The following XKR4 variants were observed in gnomAD, a reference collection of about 807,000 sequenced individuals.
XKR4 encodes the protein XK related 4.
XKR4 carries 12 observed loss-of-function variants against 53.9 expected under a neutral mutation model. The ratio of observed to expected loss-of-function variants is 0.22; its 90% CI spans 0.14 to 0.36. The LOEUF (loss-of-function observed/expected upper bound fraction) is 0.36. XKR4 is among the 10% of genes least tolerant of loss of function. The pLI, the probability that XKR4 is intolerant of heterozygous loss-of-function variation, is 1.00. For synonymous variants in XKR4, 354 were observed against 362.4 expected (o/e 0.98, Z 0.26); for missense variants, 799 against 859.5 (o/e 0.93, Z 0.88).
intron 1 of XKR4, among the ~76,000 whole-genome samples, chr8:55,298,161 A>G (rs994132271): frequency 2.0e-5 from 3 of 152,156 alleles, no homozygotes; most frequent in Non-Finnish European, 2.9e-5. Context: ...AGAATCTCTC[A>G]CATTTGCTCA....
rs369694791 is a variant in XKR4, at chr8:55,495,552, C to G, written c.1007-27729C>G. On this transcript the variant is annotated intron_variant, in intron 2 of 2. Coordinates refer to ENST00000327381, the MANE Select transcript of XKR4 (RefSeq NM_052898.2). ...CACGCAGCTCAGCCCAGCCCCATCA[C>G]AGTGGCTTCCAGGGTCGTGGGCTCC... Among the ~76,000 whole-genome samples, 18 of 152,350 alleles carry G rather than the reference C, an allele frequency of 1.2e-4. 1 individual carries two copies. The South Asian group carries it at 3.5e-3, about 30-fold the overall frequency.
intron 1 of XKR4, among the ~76,000 whole-genome samples, chr8:55,352,766 T>C (rs1227424388): frequency 1.3e-5 from 2 of 152,180 alleles, no homozygotes; most frequent in Admixed American, 1.3e-4. Context: ...CCCAAAGTCA[T>C]ACCATTAGTA....
intron 1 of XKR4, among the ~76,000 whole-genome samples, chr8:55,190,948 C>T (rs949607042): frequency 2.6e-5 from 4 of 152,230 alleles, no homozygotes; most frequent in African/African-American, 9.6e-5. Flanking sequence ...ACTAGGCTTG[C>T]TGATAATGCC....
intron 2 of XKR4, among the ~76,000 whole-genome samples, chr8:55,462,537 C>A (rs9693206): frequency 0.4 from 61,209 of 151,962 alleles, 13,130 homozygotes; most frequent in East Asian, 0.53. Flanking sequence ...ATTGTAAAGA[C>A]CATCAAGGCT....
chr8:55,417,308 T>TTTTTC (rs1367442775), intron 2 of XKR4, among the ~76,000 whole-genome samples: 2 of 152,076 alleles, frequency 1.3e-5, no homozygotes, highest in African/African-American at 4.8e-5. Flanking sequence ...AGGAGAGAAG[T>TTTTTC]TTTTCTTTTC....
rs147970051 is a variant in XKR4 at position 55,287,873 on chromosome 8, C to T, written c.807-69805C>T. Among the ~76,000 whole-genome samples the T allele has an allele frequency of 2.6e-5, 4 of 152,324 alleles. No individual in the cohort carries two copies. The East Asian group carries it at 7.7e-4, about 29-fold the overall frequency. On this transcript the variant is annotated intron_variant, in intron 1 of 2. Coordinates refer to ENST00000327381, the MANE Select transcript of XKR4 (RefSeq NM_052898.2). ...AAGGTTTCCTTGAGTGCTGCCTACC[C>T]TAGTTAGCAGGAATAAAGGAACTCT...
At chr8:55,154,212 AT>A (rs1272489288) in intron 1 of XKR4, among the ~76,000 whole-genome samples, 2 of 152,200 alleles carry the variant, frequency 1.3e-5, no homozygotes, top group African/African-American at 4.8e-5. Context: ...TTCAATAATT[AT>A]TTCAGGGGAT....
rs1818622348 is a variant in XKR4, at chr8:55,267,347, T to C, written c.807-90331T>C. Reference sequence around the variant, plus strand: ...CACTGTTGAGGCTGTAAAGAATGTCTGCATATAATGTAAACTGCTTTTTCC... The same window carrying C: ...CACTGTTGAGGCTGTAAAGAATGTCCGCATATAATGTAAACTGCTTTTTCC... On this transcript the variant is annotated intron_variant, in intron 1 of 2. Coordinates refer to ENST00000327381, the MANE Select transcript of XKR4 (RefSeq NM_052898.2). 1.3e-5 allele frequency among the ~76,000 whole-genome samples: 2 copies of C among 152,216 alleles called. 1 individual carries two copies. The highest frequency in any genetic ancestry group is 4.1e-4 in the South Asian group (2 of 4,830).
chr8:55,433,970 G>A (rs761381463), intron 2 of XKR4, among the ~76,000 whole-genome samples: 1 of 152,180 alleles, frequency 6.6e-6, no homozygotes, highest in Non-Finnish European at 1.5e-5. Flanking sequence ...GGAGACTGAG[G>A]TTGCAGTGAG....
chr8:55,362,951 G>A (rs954329225), intron 2 of XKR4, among the ~76,000 whole-genome samples: 5 of 152,214 alleles, frequency 3.3e-5, no homozygotes, highest in African/African-American at 1.2e-4. Flanking sequence ...CCACAGCCCA[G>A]GCTAAGTACA....
chr8:55,136,130 G>C (rs1050739995), intron 1 of XKR4, among the ~76,000 whole-genome samples: 1 of 152,132 alleles, frequency 6.6e-6, no homozygotes, highest in Non-Finnish European at 1.5e-5. Flanking sequence ...CTGACCTTGT[G>C]ATCCGCCCCC....
At chr8:55,213,770 C>A (rs1048823768) in intron 1 of XKR4, among the ~76,000 whole-genome samples, 1 of 150,490 alleles carries the variant, frequency 6.6e-6, no homozygotes, top group Non-Finnish European at 1.5e-5. Context: ...CTTTCACTAT[C>A]GTAATTTTCT....
At chr8:55,513,445 G>C (rs184618269) in intron 2 of XKR4, among the ~76,000 whole-genome samples, 82 of 152,300 alleles carry the variant, frequency 5.4e-4, no homozygotes, top group African/African-American at 1.9e-3. Flanking sequence ...TAGAAGAGCT[G>C]CCCTTCCCAC....
intron 2 of XKR4, among the ~76,000 whole-genome samples, chr8:55,377,157 C>G (rs1025705375): frequency 1.3e-5 from 2 of 152,192 alleles, no homozygotes; most frequent in African/African-American, 4.8e-5. Context: ...AGTTTTGAGG[C>G]TCTCAATGGA....
intron 1 of XKR4, among the ~76,000 whole-genome samples, chr8:55,230,348 G>A (rs1370095229): frequency 6.9e-6 from 1 of 145,096 alleles, no homozygotes; most frequent in Non-Finnish European, 1.5e-5. Flanking sequence ...CAATGATTAT[G>A]TTTAGAAAGA....
chr8:55,504,008 T>A (rs1806485317), intron 2 of XKR4, among the ~76,000 whole-genome samples: 1 of 152,186 alleles, frequency 6.6e-6, no homozygotes, highest in Admixed American at 6.5e-5. Flanking sequence ...TGTATTACAT[T>A]AATTAATTTT....
intron 2 of XKR4, among the ~76,000 whole-genome samples, chr8:55,409,914 G>C (rs1585560244): frequency 6.6e-6 from 1 of 152,198 alleles, no homozygotes; most frequent in Non-Finnish European, 1.5e-5. Context: ...TACTTTTGCT[G>C]TAGCAGCCTT....
chr8:55,382,823 A>T (rs1410642186), intron 2 of XKR4, among the ~76,000 whole-genome samples: 1 of 152,124 alleles, frequency 6.6e-6, no homozygotes, highest in African/African-American at 2.4e-5. Flanking sequence ...TTTCCAAAAT[A>T]TTCTTATGGA....
chr8:55,202,013 T>G (rs996533483), intron 1 of XKR4, among the ~76,000 whole-genome samples: 71 of 152,354 alleles, frequency 4.7e-4, no homozygotes, highest in Non-Finnish European at 3.5e-4. Flanking sequence ...GCCATGATAT[T>G]AGCTTTATTA....
Sources: gnomAD v4.1 joint callset for allele counts (sites outside exome capture counted in the v4.1 genomes callset) on GRCh38, gnomAD v4.1.1 for gene constraint, MANE v1.5 for transcripts, NCBI Gene and HGNC (gene_info 2026-07-23, HGNC 2026-07-21) for gene names.